RPS6KC1: variants seen among roughly 807,000 people sequenced by gnomAD.
RPS6KC1 encodes the protein ribosomal protein S6 kinase C1, also known as inactive ribosomal protein S6 kinase delta-1.
RPS6KC1 carries 54 observed loss-of-function variants against 103.8 expected under a neutral mutation model. That is an observed-to-expected ratio of 0.52 (90% CI 0.42 to 0.65). The LOEUF is 0.65. Ranked by LOEUF, RPS6KC1 falls within the 30% of genes least tolerant of loss-of-function variation. The probability of loss-of-function intolerance (pLI) is 0.00; values close to 1 mark genes in which losing one functional copy is unlikely to be tolerated. For missense variants in RPS6KC1, 1,151 were observed against 1,253.8 expected, an observed-to-expected ratio of 0.92 and a Z score of 1.24; for synonymous variants, 439 against 438.7, an observed-to-expected ratio of 1.00 and a Z score of -0.01.
the RPS6KC1 span, among the ~76,000 whole-genome samples, chr1:213,724,987 G>A: frequency 1.3e-5 from 2 of 152,292 alleles, no homozygotes; most frequent in African/African-American, 4.8e-5. Context: ...TTGGCACCAC[G>A]CTGAGCTGTC....
At chr1:213,259,734 ATTTTTT>A (rs71147063) in intron 12 of RPS6KC1, among the ~76,000 whole-genome samples, 15 of 97,930 alleles carry the variant, frequency 1.5e-4, no homozygotes, top group South Asian at 4.1e-4. Flanking sequence ...TGTTTTTTTA[ATTTTTT>A]TTTTTTTTTT....
At chr1:213,393,737 A>G in the RPS6KC1 span, among the ~76,000 whole-genome samples, 1 of 152,164 alleles carries the variant, frequency 6.6e-6, no homozygotes, top group Non-Finnish European at 1.5e-5. Flanking sequence ...GCCAGAAGGT[A>G]GGAAATGGGG....
At chr1:213,638,817 G>A in the RPS6KC1 span, among the ~76,000 whole-genome samples, 1 of 151,984 alleles carries the variant, frequency 6.6e-6, no homozygotes, top group Non-Finnish European at 1.5e-5. Flanking sequence ...CTTTTCCCAA[G>A]TTGCTTTGCC....
chr1:213,455,384 T>C, the RPS6KC1 span, among the ~76,000 whole-genome samples: 1 of 152,222 alleles, frequency 6.6e-6, no homozygotes, highest in Admixed American at 6.5e-5. Context: ...GTCAGGACAG[T>C]GCCTACATTT....
the RPS6KC1 span, among the ~76,000 whole-genome samples, chr1:213,700,352 T>C: frequency 6.7e-3 from 1,016 of 152,144 alleles, 17 homozygotes; most frequent in African/African-American, 0.023. Context: ...TGAAAATGAG[T>C]TTATGTGCAT....
chr1:213,473,013 G>T, the RPS6KC1 span, among the ~76,000 whole-genome samples: 1 of 152,196 alleles, frequency 6.6e-6, no homozygotes, highest in Non-Finnish European at 1.5e-5. Context: ...CTATTCCAAT[G>T]AACTGTGCTT....
At chr1:213,525,420 T>C in the RPS6KC1 span, among the ~76,000 whole-genome samples, 1 of 152,144 alleles carries the variant, frequency 6.6e-6, no homozygotes, top group Admixed American at 6.5e-5. Context: ...TTATGTGCAA[T>C]TAGATGTTCA....
At chr1:213,699,162 T>G in the RPS6KC1 span, among the ~76,000 whole-genome samples, 1 of 152,190 alleles carries the variant, frequency 6.6e-6, no homozygotes, top group East Asian at 1.9e-4. Context: ...TTATTCAAGC[T>G]ATTTTTTTTG....
At chr1:213,850,190 T>C in the RPS6KC1 span, among the ~76,000 whole-genome samples, 1 of 152,240 alleles carries the variant, frequency 6.6e-6, no homozygotes, top group Non-Finnish European at 1.5e-5. Flanking sequence ...TTAATAAGAA[T>C]GCTTCTGCCA....
the RPS6KC1 span, among the ~76,000 whole-genome samples, chr1:213,671,932 C>T: frequency 6.6e-6 from 1 of 150,546 alleles, no homozygotes; most frequent in African/African-American, 2.4e-5. Context: ...ATGATTATTG[C>T]TTGTCTATTA....
intron 2 of RPS6KC1, among the ~76,000 whole-genome samples, chr1:213,076,838 G>T (rs2079386021): frequency 6.6e-6 from 1 of 151,776 alleles, no homozygotes; most frequent in Non-Finnish European, 1.5e-5. Flanking sequence ...ATTGCTTGCT[G>T]CATAGCTACT....
At chr1:213,781,564 T>G in the RPS6KC1 span, among the ~76,000 whole-genome samples, 1 of 152,192 alleles carries the variant, frequency 6.6e-6, no homozygotes, top group African/African-American at 2.4e-5. Context: ...AATTTGGAAG[T>G]AATATGATCC....
the RPS6KC1 span, among the ~76,000 whole-genome samples, chr1:213,641,189 G>C: frequency 6.6e-6 from 1 of 151,016 alleles, no homozygotes; most frequent in Non-Finnish European, 1.5e-5. Flanking sequence ...TGTTTTTATT[G>C]CTCTTTCAAG....
chr1:213,417,426 C>T, the RPS6KC1 span, among the ~76,000 whole-genome samples: 10 of 152,168 alleles, frequency 6.6e-5, no homozygotes, highest in East Asian at 5.8e-4. Context: ...ATACAATAAC[C>T]GAGATAAACA....
At chr1:213,174,670 CAA>C (rs370278907) in intron 7 of RPS6KC1, among the ~76,000 whole-genome samples, 3 of 43,386 alleles carry the variant, frequency 6.9e-5, no homozygotes, top group Admixed American at 4.4e-4. Flanking sequence ...AACTCCATCT[CAA>C]AAAAAAAAAA....
the RPS6KC1 span, among the ~76,000 whole-genome samples, chr1:213,304,126 A>G: frequency 6.7e-6 from 1 of 148,782 alleles, no homozygotes; most frequent in Non-Finnish European, 1.5e-5. Context: ...GAATGGCGTG[A>G]ACCCGGGAGG....
the RPS6KC1 span, among the ~76,000 whole-genome samples, chr1:213,478,929 C>A: frequency 6.6e-6 from 1 of 151,790 alleles, no homozygotes; most frequent in East Asian, 1.9e-4. Context: ...TCAGTCTAGA[C>A]GTTTAAATAT....
At chr1:213,828,537 T>A in the RPS6KC1 span, among the ~76,000 whole-genome samples, 10 of 152,312 alleles carry the variant, frequency 6.6e-5, no homozygotes, top group African/African-American at 2.4e-4. Context: ...AAGTTCAGAA[T>A]GAGACATGGA....
chr1:213,511,806 G>C, the RPS6KC1 span, among the ~76,000 whole-genome samples: 1 of 152,132 alleles, frequency 6.6e-6, no homozygotes, highest in Non-Finnish European at 1.5e-5. Flanking sequence ...CCTCCCCTGA[G>C]CATTCCTGAT....
Sources: allele counts gnomAD v4.1 joint callset (sites outside exome capture counted in the v4.1 genomes callset), GRCh38; gene constraint gnomAD v4.1.1; transcripts MANE v1.5; gene names NCBI Gene and HGNC (gene_info 2026-07-23, HGNC 2026-07-21).